Variants in RIMS1 observed in about 807,000 individuals in gnomAD.
RIMS1 encodes regulating synaptic membrane exocytosis 1, also known as regulating synaptic membrane exocytosis protein 1.
In RIMS1, 83 loss-of-function variants were observed where a neutral mutation model predicts 214.1. The observed-to-expected ratio is 0.39, with a 90% CI of 0.32 to 0.47. The LOEUF is 0.47. RIMS1 is among the 20% of genes least tolerant of loss of function. The pLI, the probability that RIMS1 is intolerant of heterozygous loss-of-function variation, is 0.99. For missense variants in RIMS1, 2,050 were observed against 2,161.8 expected (o/e 0.95, Z 1.03); for synonymous variants, 793 against 786.8 (o/e 1.01, Z -0.13).
intron 29 of RIMS1, among the ~76,000 whole-genome samples, chr6:72,355,326 T>G (rs2097586681): frequency 6.6e-6 from 1 of 152,276 alleles, no homozygotes; most frequent in African/African-American, 2.4e-5. Context: ...AAATAGTTTA[T>G]TTAGAGGATT....
chr6:71,955,571 C>T (rs1428479390), intron 1 of RIMS1, among the ~76,000 whole-genome samples: 1 of 152,032 alleles, frequency 6.6e-6, no homozygotes, highest in African/African-American at 2.4e-5. Context: ...TGCTTTGTTA[C>T]TGATTTATAG....
chr6:72,360,708 AT>A (rs201543437), intron 29 of RIMS1, among the ~76,000 whole-genome samples: 2,180 of 144,878 alleles, frequency 0.015, 19 homozygotes, highest in South Asian at 0.026. Flanking sequence ...TGTATACTAT[AT>A]TTTTTTTACT....
At chr6:72,377,331 C>G (rs1332251939) in intron 29 of RIMS1, among the ~76,000 whole-genome samples, 1 of 152,076 alleles carries the variant, frequency 6.6e-6, no homozygotes, top group African/African-American at 2.4e-5. Flanking sequence ...AGAGTAAACC[C>G]TAGAAAGACA....
intron 4 of RIMS1, among the ~76,000 whole-genome samples, chr6:72,164,818 T>C (rs537096735): frequency 6.6e-5 from 10 of 152,294 alleles, no homozygotes; most frequent in African/African-American, 2.4e-4. Flanking sequence ...TCTTACTATA[T>C]CTACAAATGG....
chr6:72,057,293 TACG>T (rs1322047783), intron 2 of RIMS1, among the ~76,000 whole-genome samples: 1 of 152,160 alleles, frequency 6.6e-6, no homozygotes, highest in East Asian at 1.9e-4. Flanking sequence ...AACCAATACA[TACG>T]ACAAATACAG....
At chr6:72,221,291 A>AGAGTGTGTGTGTGTGT (rs1554289629) in intron 6 of RIMS1, among the ~76,000 whole-genome samples, 1 of 138,584 alleles carries the variant, frequency 7.2e-6, no homozygotes, top group African/African-American at 2.6e-5. Context: ...ATCTGGGGTG[A>AGAGTGTGTGTGTGTGT]GTGTGTGTGT....
chr6:72,137,484 A>C (rs1019398117), intron 4 of RIMS1, among the ~76,000 whole-genome samples: 2 of 151,658 alleles, frequency 1.3e-5, no homozygotes, highest in Non-Finnish European at 2.9e-5. Flanking sequence ...TGAGACGTTT[A>C]ATTTTTATTT....
At chr6:72,304,106 T>A (rs913909068) in intron 26 of RIMS1, among the ~76,000 whole-genome samples, 1 of 151,632 alleles carries the variant, frequency 6.6e-6, no homozygotes, top group Non-Finnish European at 1.5e-5. Flanking sequence ...ATGAAATTTT[T>A]AAAAATAAAA....
At chr6:71,964,143 C>A (rs975037593) in intron 1 of RIMS1, among the ~76,000 whole-genome samples, 6 of 152,194 alleles carry the variant, frequency 3.9e-5, no homozygotes, top group Non-Finnish European at 7.4e-5. Flanking sequence ...ATCAAAAACT[C>A]GACAATTGAG....
At chr6:72,088,684 C>T (rs1835344347) in intron 2 of RIMS1, among the ~76,000 whole-genome samples, 1 of 152,114 alleles carries the variant, frequency 6.6e-6, no homozygotes, top group Admixed American at 6.5e-5. Context: ...ACTTTTCAGA[C>T]ATGTTATAAC....
At chr6:72,239,231 T>C (rs2065626928) in intron 9 of RIMS1, among the ~76,000 whole-genome samples, 1 of 152,170 alleles carries the variant, frequency 6.6e-6, no homozygotes, top group Non-Finnish European at 1.5e-5. Context: ...ATACACATTA[T>C]AAACACATTA....
intron 2 of RIMS1, among the ~76,000 whole-genome samples, chr6:72,068,464 G>A (rs904523052): frequency 1.3e-5 from 2 of 152,206 alleles, no homozygotes; most frequent in Admixed American, 1.3e-4. Context: ...GCAGAAAAGA[G>A]GTGAGGAAGA....
At chr6:72,339,734 G>T (rs969035226) in intron 29 of RIMS1, among the ~76,000 whole-genome samples, 1 of 151,878 alleles carries the variant, frequency 6.6e-6, no homozygotes, top group Non-Finnish European at 1.5e-5. Context: ...GAATAGTGCC[G>T]CAATAAACGT....
intron 1 of RIMS1, among the ~76,000 whole-genome samples, chr6:71,926,559 T>G (rs1246888701): frequency 6.6e-6 from 1 of 152,208 alleles, no homozygotes; most frequent in Non-Finnish European, 1.5e-5. Flanking sequence ...TGCTCAGCAT[T>G]GTACAAACAA....
At chr6:72,315,294 G>A (rs1186148054) in intron 28 of RIMS1, among the ~76,000 whole-genome samples, 2 of 152,056 alleles carry the variant, frequency 1.3e-5, no homozygotes, top group African/African-American at 4.8e-5. Flanking sequence ...GTGAGAAGAG[G>A]GGTGGACCTA....
intron 2 of RIMS1, among the ~76,000 whole-genome samples, chr6:71,981,249 A>G (rs1361745124): frequency 6.6e-6 from 1 of 152,122 alleles, no homozygotes; most frequent in African/African-American, 2.4e-5. Context: ...GAAACTTTAT[A>G]AAGTATTGTT....
At chr6:72,275,636 ATTCT>A (rs901836330) in intron 23 of RIMS1, among the ~76,000 whole-genome samples, 7 of 152,172 alleles carry the variant, frequency 4.6e-5, no homozygotes, top group Non-Finnish European at 5.9e-5. Context: ...ATTAAATATA[ATTCT>A]TTCTGCTACT....
At chr6:72,356,916 A>G (rs2097666034) in intron 29 of RIMS1, among the ~76,000 whole-genome samples, 1 of 152,214 alleles carries the variant, frequency 6.6e-6, no homozygotes, top group Admixed American at 6.5e-5. Context: ...AGCTTCAAAT[A>G]TCCTCTGAAA....
intron 2 of RIMS1, among the ~76,000 whole-genome samples, chr6:72,048,309 G>A (rs931711463): frequency 2.0e-5 from 3 of 152,184 alleles, no homozygotes; most frequent in Admixed American, 6.5e-5. Context: ...GGGTGTCTGA[G>A]TGCTTGCTTT....
Sources: allele counts gnomAD v4.1 joint callset (sites outside exome capture counted in the v4.1 genomes callset), GRCh38; gene constraint gnomAD v4.1.1; transcripts MANE v1.5; gene names NCBI Gene and HGNC (gene_info 2026-07-23, HGNC 2026-07-21).